ST7L: variants seen among roughly 807,000 people sequenced by gnomAD.
ST7L encodes the protein suppression of tumorigenicity 7 like.
A neutral mutation model predicts 72.5 loss-of-function variants in ST7L; 57 were observed. The observed-to-expected ratio is 0.79, with a 90% confidence interval of 0.64 to 0.98. ST7L has a LOEUF of 0.98. Ranked by LOEUF, ST7L falls within the 50% of genes least tolerant of loss-of-function variation. ST7L has a pLI of 0.00. For missense variants in ST7L, 576 were observed against 672.2 expected, an observed-to-expected ratio of 0.86 and a Z score of 1.58; for synonymous variants, 221 against 240.9, an observed-to-expected ratio of 0.92 and a Z score of 0.77.
intron 12 of ST7L, among the ~76,000 whole-genome samples, chr1:112,551,051 G>A (rs1400978917): frequency 2.7e-5 from 4 of 150,040 alleles, no homozygotes; most frequent in African/African-American, 9.9e-5. Flanking sequence ...TATAACTGTT[G>A]TGGCCATTAC....
intron 14 of ST7L, chr1:112,540,855 G>C (rs1306283230): frequency 1.0e-5 from 13 of 1,287,720 alleles, no homozygotes; most frequent in Non-Finnish European, 1.3e-5. Flanking sequence ...TTTCTTTTTG[G>C]GTTTTAACTC....
At chr1:112,557,524 G>C (rs1309855345) in intron 11 of ST7L, among the ~76,000 whole-genome samples, 1 of 152,072 alleles carries the variant, frequency 6.6e-6, no homozygotes, top group Non-Finnish European at 1.5e-5. Context: ...TTAGCTTTCG[G>C]CTATTATGAA....
At chr1:112,571,228 A>G (rs772990340) in intron 11 of ST7L, 8 of 430,314 alleles carry the variant, frequency 1.9e-5, no homozygotes, top group Non-Finnish European at 3.2e-5. Context: ...CACTCGGCTT[A>G]AAGGGTCTAT....
rs190376640 is a variant in ST7L, at chr1:112,571,938, G to A, written c.1245+5048C>T. ...AGGAATCACTATATATGGGACCTAC[G>A]GCCTTACTAAATGTATTTCTGAAAT... On this transcript the variant is annotated intron_variant, in intron 11 of 14. Transcript: ENST00000358039. Among the ~76,000 whole-genome samples the A allele has an allele frequency of 9.5e-4, 144 of 152,180 alleles. 1 individual carries two copies. The highest frequency in any genetic ancestry group is 3.2e-3 in the African/African-American group (134 of 41,518).
chr1:112,600,908 A>G, intron 3 of ST7L, 60 bp from the exon 4 acceptor site: 1 of 1,460,150 alleles, frequency 6.8e-7, no homozygotes, highest in Non-Finnish European at 9.5e-7. Context: ...CATTTAACCA[A>G]TATCTATTGT....
At chr1:112,546,333 A>G (rs1657062850) in intron 13 of ST7L, among the ~76,000 whole-genome samples, 4 of 151,784 alleles carry the variant, frequency 2.6e-5, no homozygotes, top group Admixed American at 2.6e-4. Context: ...AAAAAAAAAA[A>G]AAAGAGAGAA....
chr1:112,591,092 G>A (rs372509261), intron 6 of ST7L, among the ~76,000 whole-genome samples: 5 of 151,774 alleles, frequency 3.3e-5, no homozygotes, highest in East Asian at 3.9e-4. Flanking sequence ...CCCCATGCCC[G>A]GCTAATTTTT....
In ST7L at chr1:112,591,602, A is replaced by C; in HGVS notation, c.624T>G (p.Val208=). 1 of 1,605,176 alleles carries C rather than the reference A, an allele frequency of 6.2e-7. No homozygotes were observed. Among genetic ancestry groups the C allele is most frequent in the Non-Finnish European group, 8.5e-7 (1 of 1,177,614 alleles). Residue 208 remains valine (V), a splice_region_variant and synonymous_variant, in exon 6 of 15, where the codon GTT becomes GTG. Coordinates refer to ENST00000358039, the MANE Select transcript of ST7L (RefSeq NM_017744.5). ...DTDFLRPSDT[V]MQKAWRERNP... Reference sequence around the variant, plus strand: ...TTCTTTCCCTCCAAGCCTTCTGCATAACTGTAGAAAAAAATTCCATAAAAT... The same window carrying C: ...TTCTTTCCCTCCAAGCCTTCTGCATCACTGTAGAAAAAAATTCCATAAAAT...
downstream of ST7L, chr1:112,520,429 C>T (rs368700550): frequency 5.9e-5 from 96 of 1,614,076 alleles, no homozygotes; most frequent in South Asian, 7.7e-5. Flanking sequence ...CTGTGCTGTA[C>T]GGTGCAAGGA....
At chr1:112,608,735 A>G (rs1192909271) in intron 3 of ST7L, among the ~76,000 whole-genome samples, 1 of 152,164 alleles carries the variant, frequency 6.6e-6, no homozygotes, top group East Asian at 1.9e-4. Flanking sequence ...ATGAAAAAGA[A>G]AGAAGAGGAA....
intron 14 of ST7L, among the ~76,000 whole-genome samples, chr1:112,532,856 G>C (rs1654593313): frequency 6.6e-6 from 1 of 152,108 alleles, no homozygotes; most frequent in Non-Finnish European, 1.5e-5. Context: ...GGCCTCATGA[G>C]CATTAAGGAA....
intron 2 of ST7L, among the ~76,000 whole-genome samples, chr1:112,615,216 G>A (rs1042265830): frequency 1.6e-4 from 25 of 151,782 alleles, no homozygotes; most frequent in Non-Finnish European, 2.2e-4. Flanking sequence ...GGCTGGTCTC[G>A]AACTCTATCA....
intron 3 of ST7L, among the ~76,000 whole-genome samples, chr1:112,605,599 A>G (rs1668113026): frequency 6.6e-6 from 1 of 151,978 alleles, no homozygotes; most frequent in African/African-American, 2.4e-5. Flanking sequence ...CTGAGGCAGG[A>G]GAATCACTTG....
intron 11 of ST7L, among the ~76,000 whole-genome samples, chr1:112,559,680 C>T (rs1320971016): frequency 6.6e-6 from 1 of 152,098 alleles, no homozygotes; most frequent in Admixed American, 6.6e-5. Context: ...TCTATTTAAT[C>T]ATTTTAAAAA....
rs150849807 is a variant in ST7L, at chr1:112,566,588, C to T, written c.1245+10398G>A. On this transcript the variant is annotated intron_variant, in intron 11 of 14. Coordinates refer to ENST00000358039, the MANE Select transcript of ST7L (RefSeq NM_017744.5). The stretch of plus-strand genomic sequence containing the variant: ...TTGGGATTACAGGCATGAGCCACTG[C>T]GCCTGGCCATCAAAACGTATCTTCT... Among the ~76,000 whole-genome samples the T allele has an allele frequency of 9.4e-3, 1,432 of 152,214 alleles. 6 individuals are homozygous for T. The highest frequency in any genetic ancestry group is 0.013 in the Non-Finnish European group (872 of 68,000).
At chr1:112,533,162 T>C (rs1431280966) in intron 14 of ST7L, among the ~76,000 whole-genome samples, 1 of 151,522 alleles carries the variant, frequency 6.6e-6, no homozygotes, top group African/African-American at 2.4e-5. Context: ...TTTAGTATTA[T>C]TGTACATTTT....
intron 14 of ST7L, among the ~76,000 whole-genome samples, chr1:112,534,376 CTT>C (rs1283718716): frequency 6.6e-6 from 1 of 152,204 alleles, no homozygotes; most frequent in Non-Finnish European, 1.5e-5. Context: ...AGGCACATCA[CTT>C]AACTTTGATG....
At chr1:112,537,090 G>A (rs1026637722) in intron 14 of ST7L, among the ~76,000 whole-genome samples, 4 of 151,960 alleles carry the variant, frequency 2.6e-5, no homozygotes. Context: ...CCGCCTTCTA[G>A]GTTCAAGCAG....
chr1:112,551,361 G>T (rs1330665235), intron 12 of ST7L, among the ~76,000 whole-genome samples: 1 of 151,728 alleles, frequency 6.6e-6, no homozygotes, highest in Non-Finnish European at 1.5e-5. Flanking sequence ...TGTTAGCCAG[G>T]ATGGTCTCGA....
Sources: gnomAD v4.1 joint callset for allele counts (sites outside exome capture counted in the v4.1 genomes callset) on GRCh38, gnomAD v4.1.1 for gene constraint, MANE v1.5 for transcripts, NCBI Gene and HGNC (gene_info 2026-07-23, HGNC 2026-07-21) for gene names.